Variants in CADM1 observed in about 807,000 individuals in gnomAD.
CADM1 encodes TSLC-1.
CADM1 carries 15 observed loss-of-function variants against 53.1 expected under a neutral mutation model. The observed-to-expected ratio is 0.28, with a 90% confidence interval of 0.19 to 0.44. CADM1 has a LOEUF of 0.44. Ranked by LOEUF, CADM1 falls within the 20% of genes least tolerant of loss-of-function variation. CADM1 has a pLI of 1.00. For synonymous variants in CADM1, 281 were observed against 243.0 expected, an observed-to-expected ratio of 1.16 and a Z score of -1.45; for missense variants, 434 against 611.3, an observed-to-expected ratio of 0.71 and a Z score of 3.06.
intron 1 of CADM1, among the ~76,000 whole-genome samples, chr11:115,435,727 T>C (rs1948169675): frequency 6.6e-6 from 1 of 152,108 alleles, no homozygotes; most frequent in African/African-American, 2.4e-5. Context: ...TGAGACTCCG[T>C]CTCAAAAAAT....
intron 1 of CADM1, among the ~76,000 whole-genome samples, chr11:115,260,403 G>A (rs1051348607): frequency 6.6e-6 from 1 of 152,238 alleles, no homozygotes; most frequent in Non-Finnish European, 1.5e-5. Flanking sequence ...TTGTACGCTG[G>A]ATGTAACAGA....
At chr11:115,296,046 G>A (rs1944069726) in intron 1 of CADM1, among the ~76,000 whole-genome samples, 1 of 152,038 alleles carries the variant, frequency 6.6e-6, no homozygotes, top group South Asian at 2.1e-4. Flanking sequence ...GAACTCCTAG[G>A]TACAAGTGAT....
rs562609341 is a variant in CADM1, at chr11:115,292,276, C to T, written c.125-51856G>A. Among the ~76,000 whole-genome samples, 177 of 152,288 alleles carry T rather than the reference C, an allele frequency of 1.2e-3. 1 individual carries two copies. The highest frequency in any genetic ancestry group is 4.1e-3 in the African/African-American group (170 of 41,552). On this transcript the variant is annotated intron_variant, in intron 1 of 11. Transcript: ENST00000331581. ...ATTAAAACTAAAAGTACCTGTAAGA[C>T]TGTATCATTTCATTGTCAGAAGAAA... is the stretch of plus-strand genomic sequence containing the variant.
rs181512765 is a variant in CADM1, at chr11:115,235,986, G to C, written c.424+2514C>G. 3.3e-3 allele frequency among the ~76,000 whole-genome samples: 507 copies of C among 152,288 alleles called. 16 individuals carry two copies. Among genetic ancestry groups the C allele is most frequent in the Admixed American group, 0.03 (451 of 15,288 alleles). On this transcript the variant is annotated intron_variant, in intron 3 of 11. Coordinates refer to ENST00000331581, the MANE Select transcript of CADM1 (RefSeq NM_001301043.2). The stretch of plus-strand genomic sequence containing the variant: ...AACAAATGCATACAAAATATCATAG[G>C]AGAGTCTTCAGATTTTACATGGATA...
chr11:115,342,987 GA>G (rs1376468263), intron 1 of CADM1, among the ~76,000 whole-genome samples: 1 of 152,140 alleles, frequency 6.6e-6, no homozygotes, highest in Non-Finnish European at 1.5e-5. Context: ...AAACATTCAT[GA>G]AGAGATACAA....
intron 1 of CADM1, among the ~76,000 whole-genome samples, chr11:115,477,153 T>C (rs1565446566): frequency 1.3e-5 from 2 of 151,138 alleles, no homozygotes; most frequent in South Asian, 2.1e-4. Context: ...TTTGGATTGA[T>C]AGGAAAGGGA....
At chr11:115,235,596 T>TA (rs1489125133) in intron 3 of CADM1, among the ~76,000 whole-genome samples, 3 of 152,202 alleles carry the variant, frequency 2.0e-5, no homozygotes, top group African/African-American at 7.2e-5. Flanking sequence ...ATAAGAGTGC[T>TA]AATTATAAAC....
chr11:115,430,909 GAC>G (rs1565423977), intron 1 of CADM1, among the ~76,000 whole-genome samples: 1 of 151,988 alleles, frequency 6.6e-6, no homozygotes, highest in African/African-American at 2.4e-5. Flanking sequence ...AATTAAAATC[GAC>G]AGAGAAGGTA....
chr11:115,475,828 G>C (rs889183971), intron 1 of CADM1, among the ~76,000 whole-genome samples: 16 of 152,194 alleles, frequency 1.1e-4, no homozygotes, highest in Non-Finnish European at 1.9e-4. Flanking sequence ...GGGTGAGTGA[G>C]GAAACTGTAT....
chr11:115,466,949 A>G (rs559813732), intron 1 of CADM1, among the ~76,000 whole-genome samples: 2 of 152,338 alleles, frequency 1.3e-5, no homozygotes, highest in East Asian at 1.9e-4. Flanking sequence ...ACCAGCCAAC[A>G]TTGACTCGTC....
At chr11:115,465,433 G>A (rs1368494311) in intron 1 of CADM1, among the ~76,000 whole-genome samples, 1 of 152,090 alleles carries the variant, frequency 6.6e-6, no homozygotes, top group Non-Finnish European at 1.5e-5. Context: ...AAGATGTCTA[G>A]TTAATGTCTT....
chr11:115,373,397 C>T (rs1175495833), intron 1 of CADM1, among the ~76,000 whole-genome samples: 1 of 151,730 alleles, frequency 6.6e-6, no homozygotes, highest in Admixed American at 6.6e-5. Flanking sequence ...CCAGCCTGGC[C>T]AACATGGCAA....
At chr11:115,439,120 T>A (rs1948249593) in intron 1 of CADM1, among the ~76,000 whole-genome samples, 2 of 152,204 alleles carry the variant, frequency 1.3e-5, no homozygotes, top group Non-Finnish European at 2.9e-5. Flanking sequence ...ACATGCGATC[T>A]GAGCCCCCAG....
At chr11:115,374,885 C>G (rs1370303443) in intron 1 of CADM1, among the ~76,000 whole-genome samples, 1 of 151,970 alleles carries the variant, frequency 6.6e-6, no homozygotes, top group Admixed American at 6.5e-5. Flanking sequence ...GTTATACTCA[C>G]GGACTTCATT....
At chr11:115,432,593 G>T (rs2135300336) in intron 1 of CADM1, among the ~76,000 whole-genome samples, 1 of 152,226 alleles carries the variant, frequency 6.6e-6, no homozygotes, top group South Asian at 2.1e-4. Flanking sequence ...AAAAGTAGTA[G>T]CTCTGCCCAT....
At chr11:115,395,368 C>T (rs1946969177) in intron 1 of CADM1, among the ~76,000 whole-genome samples, 1 of 152,188 alleles carries the variant, frequency 6.6e-6, no homozygotes, top group Non-Finnish European at 1.5e-5. Context: ...GAAAAAATTA[C>T]TAAACCAATG....
intron 5 of CADM1, among the ~76,000 whole-genome samples, chr11:115,227,108 CAG>C (rs1466573444): frequency 2.6e-5 from 4 of 152,124 alleles, no homozygotes; most frequent in Admixed American, 2.0e-4. Flanking sequence ...GGATAAAAAA[CAG>C]AGTCTCCCAC....
intron 1 of CADM1, among the ~76,000 whole-genome samples, chr11:115,443,395 C>T (rs1336614282): frequency 6.6e-6 from 1 of 151,966 alleles, no homozygotes; most frequent in Admixed American, 6.6e-5. Context: ...GCAGAAAGAC[C>T]CAAAGCTGTG....
At chr11:115,181,910 G>A (rs988784581) in intron 10 of CADM1, among the ~76,000 whole-genome samples, 4 of 152,208 alleles carry the variant, frequency 2.6e-5, no homozygotes, top group Non-Finnish European at 5.9e-5. Flanking sequence ...GGCTACTGGA[G>A]TCGCACGAAA....
Sources: allele counts gnomAD v4.1 joint callset (sites outside exome capture counted in the v4.1 genomes callset), GRCh38; gene constraint gnomAD v4.1.1; transcripts MANE v1.5; gene names NCBI Gene and HGNC (gene_info 2026-07-23, HGNC 2026-07-21).